The following SETDB1 variants were observed in gnomAD, a reference collection of about 807,000 sequenced individuals.
The protein encoded by SETDB1 is histone-lysine N-methyltransferase SETDB1.
A neutral mutation model predicts 137.4 loss-of-function variants in SETDB1; 31 were observed. That is an observed-to-expected ratio of 0.23 (90% CI 0.17 to 0.30). The LOEUF (loss-of-function observed/expected upper bound fraction) is 0.30. Among genes scored for constraint, SETDB1 ranks in the 10% least tolerant of loss-of-function variants. SETDB1 has a pLI of 1.00. For synonymous variants in SETDB1, 548 were observed against 579.9 expected (o/e 0.95, Z 0.79); for missense variants, 1,113 against 1,631.5 (o/e 0.68, Z 5.47).
At position 150,960,681 on chromosome 1, in the gene SETDB1, T is replaced by A; in HGVS notation, c.2622T>A (p.Asp874Glu). The A allele has an allele frequency of 6.2e-7, 1 of 1,612,972 alleles. No homozygotes were observed. Among genetic ancestry groups the A allele is most frequent in the Non-Finnish European group, 8.5e-7 (1 of 1,179,576 alleles). The change falls in exon 16 of 22, where the codon GAT becomes GAA. Residue 874 changes from aspartate to glutamate, a missense_variant. Physicochemically the swap from Asp to Glu is conservative, Grantham distance 45 (BLOSUM62 2). Around this residue, in one of 11 missense-constraint regions of SETDB1, gnomAD observed 373 missense variants for 412.7 expected, o/e 0.90. Transcript: ENST00000692827. The stretch of plus-strand genomic sequence containing the variant: ...ACTTCAAAGAAGGATATGAGAGTGA[T>A]GCCCCCTGTTCCTCTGACAGCAGTG... ...VENFKEGYES[D>E]APCSSDSSGV...
chr1:150,957,564 C>T (rs945683169), intron 14 of SETDB1, among the ~76,000 whole-genome samples: 1 of 152,138 alleles, frequency 6.6e-6, no homozygotes. Flanking sequence ...AAGTAAAATT[C>T]TAACACTGGG....
At chr1:150,950,241 A>C (rs1457983373) in intron 12 of SETDB1, among the ~76,000 whole-genome samples, 5 of 152,312 alleles carry the variant, frequency 3.3e-5, no homozygotes, top group Non-Finnish European at 5.9e-5. Flanking sequence ...CTCAAAAAAA[A>C]AAAGAGAAAT....
At chr1:150,947,108 T>C (rs1571645525) in intron 10 of SETDB1, 96 bp downstream of exon 10, 1 of 1,413,896 alleles carries the variant, frequency 7.1e-7, no homozygotes, top group Admixed American at 2.0e-5. Context: ...ATGGTTACAC[T>C]GTATACTCAT....
intron 14 of SETDB1, among the ~76,000 whole-genome samples, chr1:150,956,091 C>CAAAAAAAAAAA (rs3975893): frequency 4.0e-5 from 4 of 101,184 alleles, no homozygotes; most frequent in African/African-American, 1.6e-4. Flanking sequence ...GACTTCGTCT[C>CAAAAAAAAAAA]AAAAAAAAAA....
rs1435343161 is a variant in SETDB1 at position 150,943,061 on chromosome 1, GA to G, written c.875+9del. On this transcript the variant is annotated intron_variant, in intron 7 of 21. Coordinates refer to ENST00000692827, the MANE Select transcript of SETDB1 (RefSeq NM_001366418.1). ...CGTCAAAAACAAGCTCAGGTACCTG[GA>G]CAGAGGACTGTAAAGGGGTAGAGGC... 2 of 1,608,842 alleles carry G rather than the reference GA, an allele frequency of 1.2e-6. No homozygotes were observed. Among genetic ancestry groups the G allele is most frequent in the African/African-American group, 2.7e-5 (2 of 74,822 alleles).
intron 9 of SETDB1, chr1:150,945,367 C>G: frequency 1.6e-6 from 2 of 1,283,498 alleles, no homozygotes; most frequent in South Asian, 1.7e-5. Context: ...GGAGTATTCA[C>G]ATTGTGTGTA....
At chr1:150,942,270 C>G (rs941313127) in intron 5 of SETDB1, among the ~76,000 whole-genome samples, 5 of 151,798 alleles carry the variant, frequency 3.3e-5, no homozygotes, top group Admixed American at 1.3e-4. Context: ...GAAACCCCGT[C>G]TCTACTAAAA....
intron 5 of SETDB1, among the ~76,000 whole-genome samples, chr1:150,942,119 A>G (rs587754904): frequency 6.9e-6 from 1 of 145,698 alleles, no homozygotes; most frequent in South Asian, 2.2e-4. Flanking sequence ...CAGCCTGGGC[A>G]ACAGAACGAG....
chr1:150,954,097 G>A (rs1670576452), intron 14 of SETDB1, among the ~76,000 whole-genome samples: 2 of 152,142 alleles, frequency 1.3e-5, no homozygotes, highest in Non-Finnish European at 2.9e-5. Flanking sequence ...CTCATGATCC[G>A]TCTGCCTCAG....
chr1:150,941,022 G>T (rs970621783), intron 4 of SETDB1, among the ~76,000 whole-genome samples: 1 of 151,718 alleles, frequency 6.6e-6, no homozygotes, highest in Non-Finnish European at 1.5e-5. Flanking sequence ...AATTAGCTGG[G>T]CATGGTGGCG....
At chr1:150,944,806 A>G (rs1400906215) in intron 8 of SETDB1, 112 bp from the exon 9 acceptor site, 1 of 1,224,096 alleles carries the variant, frequency 8.2e-7, no homozygotes, top group Non-Finnish European at 1.1e-6. Flanking sequence ...TTCTGATTTT[A>G]CTTTTTCTCT....
At chr1:150,931,726 CAAAAA>C (rs10691133) in intron 3 of SETDB1, among the ~76,000 whole-genome samples, 4 of 72,346 alleles carry the variant, frequency 5.5e-5, no homozygotes, top group African/African-American at 1.0e-4. Context: ...CTGTCTCACC[CAAAAA>C]AAAAAAAAAA....
chr1:150,955,950 G>T (rs772511513), intron 14 of SETDB1, among the ~76,000 whole-genome samples: 1 of 152,092 alleles, frequency 6.6e-6, no homozygotes, highest in Non-Finnish European at 1.5e-5. Context: ...AAATTAGCCA[G>T]GCGTGGTGGC....
At chr1:150,928,206 C>G (rs1028376073) in intron 2 of SETDB1, 1 of 514,428 alleles carries the variant, frequency 1.9e-6, no homozygotes, top group Non-Finnish European at 3.5e-6. Flanking sequence ...TATAGGCATC[C>G]GCCACCACAC....
rs1431524794 is a variant in SETDB1 at position 150,945,218 on chromosome 1, C to G, written c.1140+110C>G. 9.1e-6 allele frequency: 14 copies of G among 1,531,772 alleles called. No homozygotes were observed. The African/African-American group carries it at 1.4e-4, about 15-fold the overall frequency. 94.9% of individuals were successfully genotyped at this position (1,531,772 alleles called of 1,614,324 possible). A position where few individuals can be genotyped will look rare whatever the true frequency, so the allele number is the denominator to read the frequency against. ...TTCCATAGCCTTCCTCTTTCTTATC[C>G]TCGTATGTGTTCTCACTGTTTTTGG... is the stretch of plus-strand genomic sequence containing the variant. On this transcript the variant is annotated intron_variant, in intron 9 of 21. Coordinates refer to ENST00000692827, the MANE Select transcript of SETDB1 (RefSeq NM_001366418.1).
In SETDB1 at chr1:150,957,036, G is replaced by T. The variant is rs146778144; in HGVS notation, c.2334-2142G>T. On this transcript the variant is annotated intron_variant, in intron 14 of 21. Transcript: ENST00000692827. ...GGAGACTGAGGCAGGAGGATCACTT[G>T]AGCCCAGGAGGTCAAGGCTGCAGTG... 5.8e-3 allele frequency among the ~76,000 whole-genome samples: 887 copies of T among 152,010 alleles called. 4 individuals carry two copies. Among genetic ancestry groups the T allele is most frequent in the African/African-American group, 0.02 (845 of 41,424 alleles).
At chr1:150,953,350 C>A (rs933426342) in intron 14 of SETDB1, among the ~76,000 whole-genome samples, 1 of 151,776 alleles carries the variant, frequency 6.6e-6, no homozygotes, top group African/African-American at 2.4e-5. Flanking sequence ...TATGGTGAAA[C>A]CCCATCTCTA....
chr1:150,962,215 C>T, intron 17 of SETDB1, 57 bp downstream of exon 17: 1 of 1,515,684 alleles, frequency 6.6e-7, no homozygotes, highest in East Asian at 2.2e-5. Flanking sequence ...GTCACCCAGG[C>T]TGGAGTGCAG....
chr1:150,941,172 A>G (rs1279419477), intron 4 of SETDB1, among the ~76,000 whole-genome samples, 157 bp from the exon 5 acceptor site: 3 of 152,168 alleles, frequency 2.0e-5, no homozygotes, highest in African/African-American at 7.2e-5. Flanking sequence ...TCAAAAAAAA[A>G]GAGTAAGGGC....
Sources: gnomAD v4.1 joint callset for allele counts (sites outside exome capture counted in the v4.1 genomes callset) on GRCh38, gnomAD v4.1.1 for gene constraint, gnomAD v4.1.1 regional missense constraint, MANE v1.5 for transcripts, NCBI Gene and HGNC (gene_info 2026-07-23, HGNC 2026-07-21) for gene names.